The following SLC16A10 variants were observed in gnomAD, a reference collection of about 807,000 sequenced individuals.
SLC16A10 encodes the protein solute carrier family 16 member 10, also known as monocarboxylate transporter 10.
In SLC16A10, 27 loss-of-function variants were observed where a neutral mutation model predicts 40.0. The observed-to-expected ratio is 0.67, with a 90% confidence interval of 0.50 to 0.93. SLC16A10 has a LOEUF of 0.93. SLC16A10 is among the 40% of genes least tolerant of loss of function. SLC16A10 has a pLI of 0.00. For synonymous variants in SLC16A10, 213 were observed against 249.8 expected (o/e 0.85, Z 1.39); for missense variants, 529 against 658.2 (o/e 0.80, Z 2.15).
At chr6:111,135,146 T>C (rs1031728434) in intron 1 of SLC16A10, among the ~76,000 whole-genome samples, 1 of 152,206 alleles carries the variant, frequency 6.6e-6, no homozygotes, top group Non-Finnish European at 1.5e-5. Context: ...ATTATACACC[T>C]GAACATAGGA....
intron 2 of SLC16A10, 119 bp downstream of exon 2, chr6:111,172,958 A>G: frequency 1.5e-6 from 2 of 1,295,420 alleles, no homozygotes; most frequent in Non-Finnish European, 2.1e-6. Context: ...TAAAACTTTA[A>G]GCAATATGAC....
intron 1 of SLC16A10, among the ~76,000 whole-genome samples, chr6:111,156,726 T>G (rs145803599): frequency 6.6e-6 from 1 of 152,174 alleles, no homozygotes; most frequent in Non-Finnish European, 1.5e-5. Context: ...TAGTTAAAAC[T>G]GAGGAAATCT....
chr6:111,095,510 C>T (rs972548539), intron 1 of SLC16A10, among the ~76,000 whole-genome samples: 2 of 152,132 alleles, frequency 1.3e-5, no homozygotes, highest in African/African-American at 4.8e-5. Flanking sequence ...CCGTGAAAGC[C>T]ATTTTAAAGA....
At chr6:111,210,355 T>C (rs987927458) in intron 4 of SLC16A10, among the ~76,000 whole-genome samples, 1 of 152,246 alleles carries the variant, frequency 6.6e-6, no homozygotes, top group Non-Finnish European at 1.5e-5. Context: ...GAGTTGGTAA[T>C]GTGCTGCTTT....
At chr6:111,203,328 C>G (rs1773202120) in intron 3 of SLC16A10, among the ~76,000 whole-genome samples, 1 of 152,116 alleles carries the variant, frequency 6.6e-6, no homozygotes, top group Admixed American at 6.5e-5. Context: ...CACATACTGA[C>G]CAAAGAAACT....
intron 1 of SLC16A10, among the ~76,000 whole-genome samples, chr6:111,093,322 A>G (rs1185954803): frequency 6.6e-6 from 1 of 152,222 alleles, no homozygotes; most frequent in African/African-American, 2.4e-5. Context: ...ACGCAACTCT[A>G]CACTCCCTGT....
rs547599967 is a variant in SLC16A10 at position 111,197,797 on chromosome 6, G to T, written c.943-8795G>T. 2.0e-5 allele frequency among the ~76,000 whole-genome samples: 3 copies of T among 152,034 alleles called. No individual in the cohort carries two copies. The South Asian group carries it at 6.3e-4, about 32-fold the overall frequency. On this transcript the variant is annotated intron_variant, in intron 3 of 5. Transcript: ENST00000368851. The stretch of plus-strand genomic sequence containing the variant: ...GAAATTGAGAGCAAGAGTATGGGTG[G>T]GGAGCTGCCACACTCTTAACCCAAT...
chr6:111,219,175 TA>T (rs948751061), intron 5 of SLC16A10, 133 bp downstream of exon 5: 21 of 771,868 alleles, frequency 2.7e-5, no homozygotes, highest in Non-Finnish European at 4.2e-5. Flanking sequence ...ATGTGTGCCT[TA>T]CTGGTAACAT....
chr6:111,195,978 T>C (rs1562429802), intron 3 of SLC16A10, among the ~76,000 whole-genome samples: 1 of 151,750 alleles, frequency 6.6e-6, no homozygotes, highest in Non-Finnish European at 1.5e-5. Flanking sequence ...CAACCAACCA[T>C]GGATTGAAAA....
intron 1 of SLC16A10, among the ~76,000 whole-genome samples, chr6:111,123,005 A>AT (rs1450689166): frequency 6.6e-6 from 1 of 152,088 alleles, no homozygotes; most frequent in Non-Finnish European, 1.5e-5. Flanking sequence ...TTCATGGTAT[A>AT]TTTTTACACT....
At chr6:111,142,896 T>A (rs1772009243) in intron 1 of SLC16A10, among the ~76,000 whole-genome samples, 1 of 152,254 alleles carries the variant, frequency 6.6e-6, no homozygotes, top group Admixed American at 6.5e-5. Flanking sequence ...AAAACTTATA[T>A]TCACACAGAA....
At chr6:111,106,143 A>C (rs972081041) in intron 1 of SLC16A10, among the ~76,000 whole-genome samples, 55 of 152,196 alleles carry the variant, frequency 3.6e-4, no homozygotes, top group African/African-American at 1.2e-3. Flanking sequence ...GAAGAAAAGG[A>C]AAGTCCAATT....
chr6:111,095,962 A>G (rs1335929276), intron 1 of SLC16A10, among the ~76,000 whole-genome samples: 2 of 152,204 alleles, frequency 1.3e-5, no homozygotes, highest in Non-Finnish European at 2.9e-5. Flanking sequence ...TTTCATGTAC[A>G]TTATTTTTTA....
At chr6:111,186,303 T>A (rs1050823834) in intron 3 of SLC16A10, among the ~76,000 whole-genome samples, 35 of 152,360 alleles carry the variant, frequency 2.3e-4, no homozygotes, top group Middle Eastern at 3.4e-3. Context: ...AATATGGACA[T>A]TGGCATGTCT....
At chr6:111,118,307 C>A (rs549312789) in intron 1 of SLC16A10, among the ~76,000 whole-genome samples, 1 of 152,078 alleles carries the variant, frequency 6.6e-6, no homozygotes. Flanking sequence ...AAGTATAACC[C>A]GCTCAATAAA....
chr6:111,157,804 G>A (rs540941215), intron 1 of SLC16A10, among the ~76,000 whole-genome samples: 211 of 151,586 alleles, frequency 1.4e-3, no homozygotes, highest in Non-Finnish European at 1.9e-3. Context: ...AAATGTGGGA[G>A]ACTAGACAAA....
intron 4 of SLC16A10, among the ~76,000 whole-genome samples, chr6:111,207,282 T>C (rs766612371): frequency 9.9e-5 from 15 of 152,240 alleles, no homozygotes; most frequent in Non-Finnish European, 2.1e-4. Flanking sequence ...TTGCTTTTTC[T>C]ATGAAGAATG....
intron 3 of SLC16A10, among the ~76,000 whole-genome samples, chr6:111,186,106 C>T (rs772168350): frequency 2.0e-5 from 3 of 152,108 alleles, no homozygotes; most frequent in Non-Finnish European, 2.9e-5. Flanking sequence ...CACCACATTG[C>T]CCAGGCTGGT....
intron 1 of SLC16A10, among the ~76,000 whole-genome samples, chr6:111,095,741 C>A (rs1771062906): frequency 6.6e-6 from 1 of 152,158 alleles, no homozygotes; most frequent in African/African-American, 2.4e-5. Context: ...TTATAAAGGG[C>A]AGTTCCCCTG....
Sources: allele counts gnomAD v4.1 joint callset (sites outside exome capture counted in the v4.1 genomes callset), GRCh38; gene constraint gnomAD v4.1.1; transcripts MANE v1.5; gene names NCBI Gene and HGNC (gene_info 2026-07-23, HGNC 2026-07-21).